The following SLC39A11 variants were observed in gnomAD, a reference collection of about 807,000 sequenced individuals.
SLC39A11 encodes the protein solute carrier family 39 member 11, also known as zinc transporter ZIP11.
Under a neutral mutation model 36.1 loss-of-function variants are expected in SLC39A11, and 33 were observed. The ratio of observed to expected loss-of-function variants is 0.91; its 90% CI spans 0.69 to 1.22. The LOEUF (loss-of-function observed/expected upper bound fraction) is 1.22, where lower values mean the gene tolerates loss of function less well. Among genes scored for constraint, SLC39A11 ranks in the 50% most tolerant of loss-of-function variants. The pLI is 0.00. For synonymous variants in SLC39A11, 166 were observed against 170.3 expected (o/e 0.97, Z 0.20); for missense variants, 432 against 430.3 (o/e 1.00, Z -0.03).
At chr17:73,014,516 G>A (rs572440421) in intron 4 of SLC39A11, among the ~76,000 whole-genome samples, 6 of 152,246 alleles carry the variant, frequency 3.9e-5, no homozygotes, top group East Asian at 3.9e-4. Context: ...AGAATTAGTC[G>A]GTCATGTTAA....
At chr17:72,669,901 TATATATACGTATAGATGTATATACAC>T (rs1567926803) in intron 7 of SLC39A11, among the ~76,000 whole-genome samples, 25 of 150,052 alleles carry the variant, frequency 1.7e-4, no homozygotes, top group South Asian at 4.2e-4. Flanking sequence ...TATATACACA[TATATATACGTATAGATGTATATACAC>T]ATATATACGT....
At position 73,050,279 on chromosome 17, in the gene SLC39A11, C is replaced by G. The variant is rs376024096; in HGVS notation, c.148-18565G>C. 2.6e-3 allele frequency among the ~76,000 whole-genome samples: 334 copies of G among 129,218 alleles called. 2 individuals are homozygous for G. The highest frequency in any genetic ancestry group is 9.4e-3 in the African/African-American group (318 of 33,812). The allele number at this position is 129,218 out of a possible 152,430, so 84.8% of individuals were successfully genotyped here. A position where few individuals can be genotyped will look rare whatever the true frequency, so the allele number is the denominator to read the frequency against. On this transcript the variant is annotated intron_variant, in intron 3 of 9. Coordinates refer to ENST00000255559, the MANE Select transcript of SLC39A11 (RefSeq NM_139177.4). ...GCCATATACAATTCTAAATAGAAGG[C>G]ATATCAAATTCTTAAGGTCAGAACA...
At chr17:72,778,337 G>A (rs915201049) in intron 6 of SLC39A11, among the ~76,000 whole-genome samples, 1 of 152,202 alleles carries the variant, frequency 6.6e-6, no homozygotes, top group Non-Finnish European at 1.5e-5. Context: ...CTCAGCCCCT[G>A]GACCACACTG....
In SLC39A11 at chr17:72,903,270, A is replaced by AC. The variant is rs1567919333; in HGVS notation, c.430+44481_430+44482insG. Among the ~76,000 whole-genome samples the AC allele has an allele frequency of 4.2e-5, 5 of 119,228 alleles. No homozygotes were observed. In the South Asian group the frequency reaches 1.2e-3, roughly 29 times the overall value. 78.2% of individuals were successfully genotyped at this position (119,228 alleles called of 152,430 possible). On this transcript the variant is annotated intron_variant, in intron 5 of 9. Coordinates refer to ENST00000255559, the MANE Select transcript of SLC39A11 (RefSeq NM_139177.4). Reference sequence around the variant, plus strand: ...AACAGAGCAAGACTCTGTCTCGAAAAGAAAAAAAAAAAAAAAAAAGAAATT... The same window carrying AC: ...AACAGAGCAAGACTCTGTCTCGAAAACGAAAAAAAAAAAAAAAAAAGAAATT...
rs113040903 is a variant in SLC39A11, at chr17:72,787,473, T to G, written c.602-50754A>C. Among the ~76,000 whole-genome samples, 4 of 151,882 alleles carry G rather than the reference T, an allele frequency of 2.6e-5. No individual in the cohort carries two copies. The East Asian group carries it at 7.8e-4, about 30-fold the overall frequency. ...AGGGTTTCACCGTGTTAGCCAAGAT[T>G]GTCTCGATCTCCTGACCTCATGATC... On this transcript the variant is annotated intron_variant, in intron 6 of 9. Transcript: ENST00000255559.
intron 6 of SLC39A11, among the ~76,000 whole-genome samples, chr17:72,796,224 C>T (rs1379338760): frequency 5.9e-5 from 9 of 152,090 alleles, no homozygotes; most frequent in Admixed American, 1.3e-4. Flanking sequence ...TTCCAACACA[C>T]GAGACAGAAG....
intron 5 of SLC39A11, among the ~76,000 whole-genome samples, chr17:72,857,009 C>T (rs2079678630): frequency 6.6e-6 from 1 of 152,160 alleles, no homozygotes; most frequent in South Asian, 2.1e-4. Flanking sequence ...AGGTTCAGGG[C>T]TACATGTGCA....
chr17:72,952,831 G>A (rs898138483), intron 4 of SLC39A11, among the ~76,000 whole-genome samples: 5 of 151,954 alleles, frequency 3.3e-5, no homozygotes, highest in African/African-American at 9.7e-5. Flanking sequence ...CAGCAGCCCC[G>A]ACAGTCTGCT....
chr17:73,008,103 A>T (rs75714341), intron 4 of SLC39A11, among the ~76,000 whole-genome samples: 1 of 139,374 alleles, frequency 7.2e-6, no homozygotes, highest in African/African-American at 2.6e-5. Context: ...ACTCAGTCTC[A>T]AAAAAAAGAA....
intron 4 of SLC39A11, among the ~76,000 whole-genome samples, chr17:72,990,752 TC>T (rs2089116007): frequency 6.7e-6 from 1 of 149,854 alleles, no homozygotes; most frequent in South Asian, 2.1e-4. Context: ...CTAATAATTC[TC>T]CCCGACCAAC....
At chr17:72,838,743 G>A (rs932747250) in intron 6 of SLC39A11, among the ~76,000 whole-genome samples, 8 of 152,124 alleles carry the variant, frequency 5.3e-5, no homozygotes, top group African/African-American at 1.7e-4. Context: ...ATGGAGTAGG[G>A]TCAGTAACCA....
At chr17:72,929,965 G>A (rs1316885538) in intron 5 of SLC39A11, among the ~76,000 whole-genome samples, 1 of 152,170 alleles carries the variant, frequency 6.6e-6, no homozygotes, top group Non-Finnish European at 1.5e-5. Context: ...ACTTTGCGAG[G>A]ATATTAAATG....
chr17:72,906,942 T>G (rs77793605), intron 5 of SLC39A11, among the ~76,000 whole-genome samples: 1,980 of 152,288 alleles, frequency 0.013, 39 homozygotes, highest in African/African-American at 0.045. Context: ...AGATCAGGGC[T>G]GCCTAATCAA....
intron 4 of SLC39A11, among the ~76,000 whole-genome samples, chr17:72,971,682 C>T (rs934100605): frequency 6.6e-6 from 1 of 152,226 alleles, no homozygotes; most frequent in Non-Finnish European, 1.5e-5. Context: ...CGGGCCGCCC[C>T]CCAGGAGGAC....
At position 72,970,085 on chromosome 17, in the gene SLC39A11, C is replaced by T. The variant is rs141966539; in HGVS notation, c.307-22210G>A. 3.3e-5 allele frequency among the ~76,000 whole-genome samples: 5 copies of T among 152,332 alleles called. No individual in the cohort carries two copies. The South Asian group carries it at 8.3e-4, about 25-fold the overall frequency. On this transcript the variant is annotated intron_variant, in intron 4 of 9. Coordinates refer to ENST00000255559, the MANE Select transcript of SLC39A11 (RefSeq NM_139177.4). ...TTTGTTCCAAAAAAATGTTAATAGTCCCCAAACCATTTAGACTTTCATCTT... is the reference window on the plus strand; with the variant it reads ...TTTGTTCCAAAAAAATGTTAATAGTTCCCAAACCATTTAGACTTTCATCTT...
chr17:72,880,107 C>A (rs913759568), intron 5 of SLC39A11, among the ~76,000 whole-genome samples: 2 of 152,198 alleles, frequency 1.3e-5, no homozygotes, highest in Non-Finnish European at 2.9e-5. Flanking sequence ...GTGTGTTGGT[C>A]TGTTACTGCA....
intron 4 of SLC39A11, among the ~76,000 whole-genome samples, chr17:72,978,671 T>G (rs2088056960): frequency 6.7e-6 from 1 of 148,858 alleles, no homozygotes. Context: ...GGTGAGGGAG[T>G]AAGGGGGACC....
intron 3 of SLC39A11, among the ~76,000 whole-genome samples, chr17:73,047,334 C>T (rs927743947): frequency 6.6e-6 from 1 of 152,176 alleles, no homozygotes; most frequent in Non-Finnish European, 1.5e-5. Context: ...AGAAGAACCA[C>T]CTTCTGTCAG....
At chr17:73,008,301 C>T (rs2090307563) in intron 4 of SLC39A11, among the ~76,000 whole-genome samples, 1 of 151,922 alleles carries the variant, frequency 6.6e-6, no homozygotes, top group Non-Finnish European at 1.5e-5. Context: ...CCAGCAGAAA[C>T]ATATTTTTAA....
Sources: allele counts gnomAD v4.1 joint callset (sites outside exome capture counted in the v4.1 genomes callset), GRCh38; gene constraint gnomAD v4.1.1; transcripts MANE v1.5; gene names NCBI Gene and HGNC (gene_info 2026-07-23, HGNC 2026-07-21).